Variants in ITGB3BP observed in about 807,000 individuals in gnomAD.
ITGB3BP encodes the protein centromere protein R.
A neutral mutation model predicts 29.1 loss-of-function variants in ITGB3BP; 27 were observed. The observed-to-expected ratio is 0.93, with a 90% confidence interval of 0.68 to 1.28. The LOEUF (loss-of-function observed/expected upper bound fraction) is 1.28. ITGB3BP is among the 50% of genes most tolerant of loss of function. The pLI, the probability that ITGB3BP is intolerant of heterozygous loss-of-function variation, is 0.00. For synonymous variants in ITGB3BP, 61 were observed against 61.4 expected, an observed-to-expected ratio of 0.99 and a Z score of 0.03; for missense variants, 192 against 200.2, an observed-to-expected ratio of 0.96 and a Z score of 0.25.
At position 63,483,640 on chromosome 1, in the gene ITGB3BP, T is replaced by C. The variant is rs1235392253; in HGVS notation, c.185-4807A>G. Among the ~76,000 whole-genome samples the C allele has an allele frequency of 4.6e-5, 7 of 152,244 alleles. No individual in the cohort carries two copies. In the East Asian group the frequency reaches 5.8e-4, roughly 13 times the overall value. ...TCCTTTTCAGTCATTCTGAGTTGAA[T>C]GCTTGACTCAATAGTTTTCAATCAT... On this transcript the variant is annotated intron_variant, in intron 3 of 8. Transcript: ENST00000271002.
chr1:63,466,621 T>C (rs534731136), intron 4 of ITGB3BP, among the ~76,000 whole-genome samples: 4 of 152,344 alleles, frequency 2.6e-5, no homozygotes, highest in East Asian at 3.9e-4. Flanking sequence ...CACTGACATA[T>C]AATTCCCTAA....
At chr1:63,482,410 G>C (rs1645454290) in intron 3 of ITGB3BP, among the ~76,000 whole-genome samples, 1 of 151,532 alleles carries the variant, frequency 6.6e-6, no homozygotes, top group African/African-American at 2.4e-5. Context: ...AAAGTTAAGA[G>C]TTGGAAAAAC....
intron 1 of ITGB3BP, among the ~76,000 whole-genome samples, chr1:63,515,825 TAAAAAAAAAAA>T (rs76881362): frequency 4.1e-5 from 2 of 48,634 alleles, no homozygotes; most frequent in Non-Finnish European, 7.0e-5. Context: ...GACTCCAACT[TAAAAAAAAAAA>T]AAAAAAAAAA....
chr1:63,459,813 C>T (rs1410898588), intron 4 of ITGB3BP, among the ~76,000 whole-genome samples: 2 of 152,016 alleles, frequency 1.3e-5, no homozygotes, highest in East Asian at 1.9e-4. Context: ...AAGTGTAATT[C>T]AGTTACAACT....
chr1:63,472,627 C>G (rs1429508543), intron 4 of ITGB3BP, among the ~76,000 whole-genome samples: 3 of 151,184 alleles, frequency 2.0e-5, no homozygotes, highest in Non-Finnish European at 4.4e-5. Flanking sequence ...CGCGCCGCCA[C>G]GCCTGATTGG....
intron 8 of ITGB3BP, 68 bp downstream of exon 8, chr1:63,446,738 G>T: frequency 9.2e-7 from 1 of 1,083,186 alleles, no homozygotes. Context: ...TAAATAAAAT[G>T]TTTCCACCTG....
intron 1 of ITGB3BP, among the ~76,000 whole-genome samples, chr1:63,522,543 C>G (rs981966225): frequency 5.9e-5 from 9 of 152,192 alleles, no homozygotes; most frequent in African/African-American, 1.9e-4. Context: ...TGAATCTTAT[C>G]TAGCACAATG....
At chr1:63,483,505 G>A (rs992335109) in intron 3 of ITGB3BP, among the ~76,000 whole-genome samples, 3 of 151,296 alleles carry the variant, frequency 2.0e-5, no homozygotes, top group Non-Finnish European at 4.4e-5. Flanking sequence ...AGACTTTTCT[G>A]AGAACCAGCT....
At chr1:63,523,284 C>A, upstream of ITGB3BP, 1 of 990,786 alleles carries the variant, frequency 1.0e-6, no homozygotes, top group Admixed American at 1.8e-5. Context: ...AACATCCTCC[C>A]CGCGACGAAG....
intron 2 of ITGB3BP, among the ~76,000 whole-genome samples, chr1:63,496,701 A>T (rs2100711218): frequency 6.6e-6 from 1 of 152,284 alleles, no homozygotes; most frequent in Non-Finnish European, 1.5e-5. Flanking sequence ...CATTTATGTC[A>T]ATAAGGGCTG....
At chr1:63,450,299 A>G (rs1327234256) in intron 7 of ITGB3BP, among the ~76,000 whole-genome samples, 1 of 151,940 alleles carries the variant, frequency 6.6e-6, no homozygotes, top group African/African-American at 2.4e-5. Flanking sequence ...AAACAGATAA[A>G]ATATGTTTTG....
At chr1:63,442,617 A>G (rs1000545706) in intron 8 of ITGB3BP, 2 of 152,156 alleles carry the variant, frequency 1.3e-5, no homozygotes, top group African/African-American at 4.8e-5. Context: ...AAGGCAATCT[A>G]CCTTAGTTAC....
chr1:63,513,342 G>A (rs974280305), intron 1 of ITGB3BP, among the ~76,000 whole-genome samples: 1 of 152,014 alleles, frequency 6.6e-6, no homozygotes, highest in Non-Finnish European at 1.5e-5. Flanking sequence ...TTATTTTGAT[G>A]TTTAACTGTC....
At chr1:63,468,466 G>A (rs547728297) in intron 4 of ITGB3BP, among the ~76,000 whole-genome samples, 3 of 152,114 alleles carry the variant, frequency 2.0e-5, no homozygotes, top group Non-Finnish European at 4.4e-5. Context: ...GGTGGCTCAC[G>A]CCTGTAATCC....
chr1:63,522,028 G>C lies in ITGB3BP; in HGVS notation c.5+1101C>G, dbSNP rs866916237. Among the ~76,000 whole-genome samples, 2 of 152,272 alleles carry C rather than the reference G, an allele frequency of 1.3e-5. 1 individual carries two copies. Among genetic ancestry groups the C allele is most frequent in the Middle Eastern group, 6.8e-3 (2 of 294 alleles). On this transcript the variant is annotated intron_variant, in intron 1 of 8. Coordinates refer to ENST00000271002, the MANE Select transcript of ITGB3BP (RefSeq NM_014288.5). ...GTCTCTTTGCTTAATTCTGGGGAAA[G>C]GAAAACCTCCTCAATAATCCATAAC...
chr1:63,449,925 G>A (rs938906361), intron 7 of ITGB3BP: 5 of 152,348 alleles, frequency 3.3e-5, no homozygotes, highest in Non-Finnish European at 7.4e-5. Context: ...ACTTTTTCAA[G>A]CCTGAGTTGG....
intron 1 of ITGB3BP, among the ~76,000 whole-genome samples, chr1:63,511,322 T>C (rs568747735): frequency 1.7e-4 from 26 of 152,186 alleles, no homozygotes; most frequent in South Asian, 8.3e-4. Flanking sequence ...GTAGAGAAAC[T>C]AGAATCCCTG....
chr1:63,499,939 T>A (rs78626042), intron 2 of ITGB3BP, among the ~76,000 whole-genome samples: 3,347 of 152,306 alleles, frequency 0.022, 127 homozygotes, highest in African/African-American at 0.076. Context: ...AAGAAAAGAA[T>A]GTCTGCTCTT....
At chr1:63,479,238 T>C (rs184064637) in intron 3 of ITGB3BP, among the ~76,000 whole-genome samples, 9 of 152,274 alleles carry the variant, frequency 5.9e-5, no homozygotes, top group Admixed American at 5.2e-4. Context: ...CAACAAGGGA[T>C]TGGTGATACC....
Sources: allele counts gnomAD v4.1 joint callset (sites outside exome capture counted in the v4.1 genomes callset), GRCh38; gene constraint gnomAD v4.1.1; transcripts MANE v1.5; gene names NCBI Gene and HGNC (gene_info 2026-07-23, HGNC 2026-07-21).